NSUN4: variants seen among roughly 807,000 people sequenced by gnomAD.
NSUN4 encodes the protein NOP2/Sun RNA methyltransferase 4.
NSUN4 carries 31 observed loss-of-function variants against 43.8 expected under a neutral mutation model. That is an observed-to-expected ratio of 0.71 (90% CI 0.53 to 0.96). The LOEUF is 0.96. Among genes scored for constraint, NSUN4 ranks in the 40% least tolerant of loss-of-function variants. NSUN4 has a pLI of 0.00. For missense variants in NSUN4, 439 were observed against 475.6 expected, an observed-to-expected ratio of 0.92 and a Z score of 0.72; for synonymous variants, 167 against 184.1, an observed-to-expected ratio of 0.91 and a Z score of 0.75.
intron 3 of NSUN4, among the ~76,000 whole-genome samples, chr1:46,351,373 A>G (rs1000687771): frequency 2.6e-5 from 4 of 152,180 alleles, no homozygotes; most frequent in Non-Finnish European, 5.9e-5. Context: ...AAGGTTGAGA[A>G]ATGTAGTCTT....
At chr1:46,351,818 C>A (rs1456963666) in intron 3 of NSUN4, among the ~76,000 whole-genome samples, 2 of 151,470 alleles carry the variant, frequency 1.3e-5, no homozygotes, top group Non-Finnish European at 2.9e-5. Flanking sequence ...GTACCCACCC[C>A]CATGCCCGGC....
chr1:46,356,474 C>T (rs553705510), intron 4 of NSUN4, among the ~76,000 whole-genome samples: 75 of 152,168 alleles, frequency 4.9e-4, no homozygotes, highest in African/African-American at 1.8e-3. Flanking sequence ...GGGCGGATCA[C>T]GAGGTCAGGA....
chr1:46,360,242 AAAAAAAAAT>A (rs1160698828), intron 4 of NSUN4, among the ~76,000 whole-genome samples: 633 of 42,114 alleles, frequency 0.015, 6 homozygotes, highest in African/African-American at 0.043. Context: ...AAAAAAAAAA[AAAAAAAAAT>A]ATATATATAT....
intron 1 of NSUN4, 59 bp from the exon 2 acceptor site, chr1:46,344,742 G>A: frequency 6.8e-7 from 1 of 1,472,176 alleles, no homozygotes; most frequent in Non-Finnish European, 9.4e-7. Flanking sequence ...GTGGGGGTCA[G>A]GTAGTAGGGG....
intron 1 of NSUN4, chr1:46,341,618 G>C (rs926711549): frequency 8.6e-7 from 1 of 1,161,498 alleles, no homozygotes; most frequent in Non-Finnish European, 1.1e-6. Flanking sequence ...CACCCCAGCC[G>C]ATTCCCTCGC....
At chr1:46,373,578 C>T in the NSUN4 span, among the ~76,000 whole-genome samples, 15 of 152,296 alleles carry the variant, frequency 9.8e-5, no homozygotes, top group Non-Finnish European at 1.0e-4. Flanking sequence ...GAGCATGAGC[C>T]AATCTGGCTT....
chr1:46,341,900 C>G lies in NSUN4; in HGVS notation c.93+981C>G, dbSNP rs1481160058. On this transcript the variant is annotated intron_variant, in intron 1 of 5. Transcript: ENST00000474844. ...GTGACCAGCACACTAATCTCTGTTA[C>G]TCTAGCGGATGGCCTTCAGCTTTTG... The G allele has an allele frequency of 3.2e-6, 4 of 1,233,004 alleles. No individual in the cohort carries two copies. The East Asian group carries it at 1.3e-4, about 39-fold the overall frequency. The allele number at this position is 1,233,004 out of a possible 1,614,324, so 76.4% of individuals were successfully genotyped here.
chr1:46,377,329 C>T, the NSUN4 span, among the ~76,000 whole-genome samples: 13 of 152,254 alleles, frequency 8.5e-5, no homozygotes, highest in South Asian at 1.4e-3. Flanking sequence ...AGATTACAGG[C>T]GTGAGCCACC....
intron 3 of NSUN4, among the ~76,000 whole-genome samples, chr1:46,348,022 C>A (rs959795152): frequency 6.6e-6 from 1 of 152,088 alleles, no homozygotes; most frequent in African/African-American, 2.4e-5. Flanking sequence ...GGACTACAGG[C>A]GCCCACCACC....
intron 2 of NSUN4, among the ~76,000 whole-genome samples, chr1:46,346,150 CAAA>C (rs745954011): frequency 3.5e-5 from 3 of 86,138 alleles, no homozygotes; most frequent in African/African-American, 4.6e-5. Flanking sequence ...GACTCTGTCT[CAAA>C]AAAAAAAAAA....
At chr1:46,342,727 C>G in intron 1 of NSUN4, 1 of 399,292 alleles carries the variant, frequency 2.5e-6, no homozygotes, top group Middle Eastern at 6.3e-4. Context: ...AATGAACCCC[C>G]TCTTCCCACT....
chr1:46,347,556 G>C (rs911091562), intron 3 of NSUN4, among the ~76,000 whole-genome samples: 6 of 152,104 alleles, frequency 3.9e-5, no homozygotes, highest in African/African-American at 1.4e-4. Context: ...TCTGTCAATT[G>C]GTCAAGAAAG....
chr1:46,365,269 C>T (rs1471309521), downstream of NSUN4: 3 of 152,104 alleles, frequency 2.0e-5, no homozygotes, highest in African/African-American at 7.2e-5. Context: ...GAGTTGCTTC[C>T]AGTTTGGGGC....
chr1:46,359,497 A>G (rs1357818789), intron 4 of NSUN4, among the ~76,000 whole-genome samples: 1 of 150,468 alleles, frequency 6.6e-6, no homozygotes, highest in Admixed American at 6.6e-5. Flanking sequence ...CTCCCACCTC[A>G]GCCTCCTGAG....
At chr1:46,343,170 C>A in intron 1 of NSUN4, 1 of 390,004 alleles carries the variant, frequency 2.6e-6, no homozygotes, top group South Asian at 1.5e-4. Context: ...GTCTGGCTCC[C>A]TCAATCATTC....
In NSUN4 at chr1:46,346,964, G is replaced by T. The variant is rs768277649; in HGVS notation, c.481G>T (p.Ala161Ser). 2 of 1,614,110 alleles carry T rather than the reference G, an allele frequency of 1.2e-6. No homozygotes were observed. Among genetic ancestry groups the T allele is most frequent in the Admixed American group, 3.3e-5 (2 of 60,022 alleles). The change falls in exon 3 of 6, where the codon GCC becomes TCC. Residue 161 changes from alanine (A) to serine (S), a missense_variant. Coordinates refer to ENST00000474844, the MANE Select transcript of NSUN4 (RefSeq NM_199044.4). ...GVMEYYLMDAASLLPVLALGL... is the reference protein window; with the variant it reads ...GVMEYYLMDASSLLPVLALGL... ...CATGGAGTACTACCTGATGGATGCT[G>T]CCTCCTTGCTGCCTGTTCTGGCCCT...
At chr1:46,379,688 C>T in the NSUN4 span, among the ~76,000 whole-genome samples, 1 of 152,112 alleles carries the variant, frequency 6.6e-6, no homozygotes, top group Non-Finnish European at 1.5e-5. Context: ...AAGAGTGGAA[C>T]ATTTATTTCT....
chr1:46,356,928 T>C (rs10158130), intron 4 of NSUN4, among the ~76,000 whole-genome samples: 34,099 of 152,070 alleles, frequency 0.22, 4,298 homozygotes, highest in Non-Finnish European at 0.29. Context: ...TCTTCCCTTA[T>C]AATACAATAT....
intron 5 of NSUN4, 134 bp downstream of exon 5, chr1:46,360,962 TGGGA>T: frequency 1.0e-6 from 1 of 981,864 alleles, no homozygotes; most frequent in South Asian, 1.5e-5. Flanking sequence ...GAGACAGAAA[TGGGA>T]TCATCTCTGG....
Sources: allele counts gnomAD v4.1 joint callset (sites outside exome capture counted in the v4.1 genomes callset), GRCh38; gene constraint gnomAD v4.1.1; transcripts MANE v1.5; gene names NCBI Gene and HGNC (gene_info 2026-07-23, HGNC 2026-07-21).